The following IGSF10 variants were observed in gnomAD, a reference collection of about 807,000 sequenced individuals.
The protein encoded by IGSF10 is immunoglobulin superfamily member 10.
In IGSF10, 126 loss-of-function variants were observed where a neutral mutation model predicts 128.2. That is an observed-to-expected ratio of 0.98 (90% CI 0.85 to 1.14). The LOEUF is 1.14. IGSF10 is among the 50% of genes most tolerant of loss of function. IGSF10 has a pLI of 0.00. For synonymous variants in IGSF10, 1,185 were observed against 1,146.2 expected (o/e 1.03, Z -0.68); for missense variants, 3,295 against 3,149.8 (o/e 1.05, Z -1.10).
In IGSF10 at chr3:151,447,663, T is replaced by G. The variant is rs1189118696; in HGVS notation, c.2318A>C (p.Glu773Ala). The G allele has an allele frequency of 6.2e-7, 1 of 1,614,186 alleles. No individual in the cohort carries two copies. Among genetic ancestry groups the G allele is most frequent in the Admixed American group, 1.7e-5 (1 of 60,024 alleles). ...AKKNAMPDKR[E>A]NTTVSPPPVV... ...TGGGGGTGGGCTCACTGTGGTATTTTCTCGCTTGTCTGGCATAGCATTCTT... is the reference window on the plus strand; with the variant it reads ...TGGGGGTGGGCTCACTGTGGTATTTGCTCGCTTGTCTGGCATAGCATTCTT... The change falls in exon 6 of 8, where the codon GAA becomes GCA. Residue 773 changes from glutamate to alanine, a missense_variant. Glu to Ala is a moderately radical substitution (Grantham distance 107). Coordinates refer to ENST00000282466, the MANE Select transcript of IGSF10 (RefSeq NM_178822.5).
the IGSF10 span, among the ~76,000 whole-genome samples, chr3:151,475,117 T>A: frequency 6.6e-6 from 1 of 152,270 alleles, no homozygotes; most frequent in South Asian, 2.1e-4. Flanking sequence ...AAATGTTTTG[T>A]ATATAGCCAT....
the IGSF10 span, among the ~76,000 whole-genome samples, chr3:151,603,007 C>T: frequency 6.6e-6 from 1 of 152,176 alleles, no homozygotes. Flanking sequence ...TTCTTCCCTG[C>T]AATTATTTCA....
At chr3:151,552,527 T>C in the IGSF10 span, among the ~76,000 whole-genome samples, 3 of 152,138 alleles carry the variant, frequency 2.0e-5, no homozygotes, top group East Asian at 1.9e-4. Context: ...TTAAGATCAA[T>C]AGACCTATGA....
At chr3:151,578,454 G>A in the IGSF10 span, among the ~76,000 whole-genome samples, 2 of 152,192 alleles carry the variant, frequency 1.3e-5, no homozygotes, top group Non-Finnish European at 2.9e-5. Flanking sequence ...GGTCTAACAA[G>A]CCATAGTTTA....
At position 151,437,112 on chromosome 3, in the gene IGSF10, G is replaced by A; in HGVS notation, c.7449C>T (p.Tyr2483=). ...CTAAGGTGCCATTGTCATGCAATAT[G>A]TATTTCCCATTAATTTGAGGCCTGT... The part of the protein sequence containing the change: ...VVDRPQINGK[Y]ILHDNGTLVI... The change falls in exon 8 of 8, where the codon TAC becomes TAT. Residue 2483 remains tyrosine (Y), a synonymous_variant. Coordinates refer to ENST00000282466, the MANE Select transcript of IGSF10 (RefSeq NM_178822.5). 6.2e-7 allele frequency: 1 copy of A among 1,614,134 alleles called. No individual in the cohort carries two copies. The highest frequency in any genetic ancestry group is 1.1e-5 in the South Asian group (1 of 91,084).
the IGSF10 span, among the ~76,000 whole-genome samples, chr3:151,541,651 G>A: frequency 5.9e-5 from 9 of 152,174 alleles, no homozygotes; most frequent in African/African-American, 2.2e-4. Flanking sequence ...TTTCTTTGTA[G>A]TATCTCTATT....
chr3:151,502,664 T>G, the IGSF10 span, among the ~76,000 whole-genome samples: 1 of 151,966 alleles, frequency 6.6e-6, no homozygotes, highest in South Asian at 2.1e-4. Flanking sequence ...TCTATTACTT[T>G]AAAATATTTT....
chr3:151,462,655 G>C (rs931329742), upstream of IGSF10, among the ~76,000 whole-genome samples: 1 of 152,204 alleles, frequency 6.6e-6, no homozygotes. Flanking sequence ...TAACCATAAA[G>C]TTGTGGCTGC....
At chr3:151,578,560 G>T in the IGSF10 span, among the ~76,000 whole-genome samples, 1 of 152,332 alleles carries the variant, frequency 6.6e-6, no homozygotes, top group South Asian at 2.1e-4. Context: ...GATTGCTCAT[G>T]AGAATGACTG....
downstream of IGSF10, chr3:151,432,565 G>A (rs1719656398): frequency 8.1e-6 from 4 of 495,326 alleles, no homozygotes; most frequent in African/African-American, 7.8e-5. Context: ...TGTGAATAAA[G>A]GTGTCCCCTC....
chr3:151,442,885 A>G (rs1042460226), intron 7 of IGSF10, 99 bp downstream of exon 7: 12 of 1,076,670 alleles, frequency 1.1e-5, no homozygotes. Flanking sequence ...TGTGTACTCT[A>G]AAACTGCTGC....
At position 151,458,747 on chromosome 3, in the gene IGSF10, G is replaced by C. The variant is rs1194300848; in HGVS notation, c.-1-37C>G. On this transcript the variant is annotated intron_variant, in intron 2 of 7. Transcript: ENST00000282466. ...TCATACCTCAGAGTTATAAAGAGTG[G>C]TGGAGCAAAGTCCCAGGACCACCAC... 3.9e-6 allele frequency: 6 copies of C among 1,557,558 alleles called. No individual in the cohort carries two copies. The African/African-American group carries it at 8.1e-5, about 21-fold the overall frequency.
the IGSF10 span, among the ~76,000 whole-genome samples, chr3:151,515,333 C>T: frequency 6.6e-6 from 1 of 151,440 alleles, no homozygotes; most frequent in African/African-American, 2.4e-5. Flanking sequence ...ATGGATGAAG[C>T]TGGAAACCAT....
chr3:151,534,593 G>C, the IGSF10 span, among the ~76,000 whole-genome samples: 25 of 151,558 alleles, frequency 1.6e-4, 1 homozygote, highest in Admixed American at 1.5e-3. Context: ...CTCGTAAGTG[G>C]GAGTTGAACA....
the IGSF10 span, among the ~76,000 whole-genome samples, chr3:151,607,380 G>A: frequency 6.6e-6 from 1 of 151,538 alleles, no homozygotes; most frequent in African/African-American, 2.4e-5. Context: ...AATCACCTGG[G>A]GATAAAAAAA....
At chr3:151,482,492 G>A in the IGSF10 span, among the ~76,000 whole-genome samples, 4 of 152,144 alleles carry the variant, frequency 2.6e-5, no homozygotes, top group African/African-American at 7.2e-5. Flanking sequence ...TTGAAGACTG[G>A]TTTTTTAACA....
At chr3:151,585,339 G>A in the IGSF10 span, among the ~76,000 whole-genome samples, 1 of 152,074 alleles carries the variant, frequency 6.6e-6, no homozygotes, top group Non-Finnish European at 1.5e-5. Context: ...AATGACATAT[G>A]TGTCTTGCAT....
the IGSF10 span, among the ~76,000 whole-genome samples, chr3:151,592,758 ATGT>A: frequency 4.6e-5 from 7 of 152,258 alleles, no homozygotes; most frequent in Admixed American, 2.6e-4. Flanking sequence ...CTTAGAAACA[ATGT>A]TGTGCACATT....
the IGSF10 span, among the ~76,000 whole-genome samples, chr3:151,569,076 C>G: frequency 1.2e-3 from 189 of 152,258 alleles, no homozygotes; most frequent in African/African-American, 4.1e-3. Context: ...CTCCTTTCCA[C>G]CTGTATTTAA....
Sources: allele counts gnomAD v4.1 joint callset (sites outside exome capture counted in the v4.1 genomes callset), GRCh38; gene constraint gnomAD v4.1.1; transcripts MANE v1.5; gene names NCBI Gene and HGNC (gene_info 2026-07-23, HGNC 2026-07-21).